Variants in SNX9 observed in about 807,000 individuals in gnomAD.
SNX9 encodes sorting nexin 9, also known as sorting nexin-9.
A neutral mutation model predicts 89.4 loss-of-function variants in SNX9; 44 were observed. The ratio of observed to expected loss-of-function variants is 0.49; its 90% confidence interval spans 0.39 to 0.63. The LOEUF (loss-of-function observed/expected upper bound fraction) is 0.63. SNX9 is among the 30% of genes least tolerant of loss of function. The pLI is 0.00. For missense variants in SNX9, 578 were observed against 736.1 expected (o/e 0.79, Z 2.49); for synonymous variants, 236 against 247.8 (o/e 0.95, Z 0.45).
At chr6:157,875,235 G>T (rs1488880290) in intron 4 of SNX9, 59 bp downstream of exon 4, 26 of 1,553,724 alleles carry the variant, frequency 1.7e-5, no homozygotes, top group Admixed American at 3.9e-5. Context: ...GAGCGTATTT[G>T]TGAAGGCTTG....
At chr6:157,824,483 T>C (rs1161128317) in intron 1 of SNX9, among the ~76,000 whole-genome samples, 1 of 152,254 alleles carries the variant, frequency 6.6e-6, no homozygotes, top group Non-Finnish European at 1.5e-5. Context: ...TTGAGATCTC[T>C]GAGCTACTTT....
chr6:157,853,639 G>A (rs988061655), intron 1 of SNX9, among the ~76,000 whole-genome samples: 13 of 152,098 alleles, frequency 8.5e-5, no homozygotes, highest in African/African-American at 2.2e-4. Flanking sequence ...CTTACTATCC[G>A]GTGAAGTAGC....
intron 14 of SNX9, among the ~76,000 whole-genome samples, chr6:157,936,633 A>C (rs1334150032): frequency 6.6e-6 from 1 of 152,228 alleles, no homozygotes; most frequent in Non-Finnish European, 1.5e-5. Context: ...ACCATTGCTT[A>C]GCCTCTCTGA....
chr6:157,900,774 C>A (rs2115168777), intron 5 of SNX9, among the ~76,000 whole-genome samples: 2 of 152,304 alleles, frequency 1.3e-5, no homozygotes, highest in African/African-American at 4.8e-5. Flanking sequence ...AAAACAGAAA[C>A]ACAGTCTTTC....
chr6:157,894,368 C>T (rs563611991), intron 4 of SNX9, among the ~76,000 whole-genome samples: 117 of 149,218 alleles, frequency 7.8e-4, no homozygotes, highest in African/African-American at 2.7e-3. Flanking sequence ...CCTCGGCCTC[C>T]GAAAGTGGTA....
intron 1 of SNX9, among the ~76,000 whole-genome samples, chr6:157,842,959 T>G (rs1781731576): frequency 6.6e-6 from 1 of 152,204 alleles, no homozygotes. Context: ...CAATTTTGTT[T>G]CAGAGTCAAA....
At chr6:157,905,396 A>G (rs1783189819) in intron 6 of SNX9, among the ~76,000 whole-genome samples, 1 of 152,082 alleles carries the variant, frequency 6.6e-6, no homozygotes, top group African/African-American at 2.4e-5. Context: ...CTAAAACCCA[A>G]ATTAATCTTG....
At chr6:157,831,148 C>T (rs1781471255) in intron 1 of SNX9, among the ~76,000 whole-genome samples, 1 of 152,220 alleles carries the variant, frequency 6.6e-6, no homozygotes, top group Non-Finnish European at 1.5e-5. Context: ...TCTCAGAAGT[C>T]TGATTCAGCC....
chr6:157,937,356 C>T, intron 14 of SNX9, 78 bp from the exon 15 acceptor site: 2 of 983,300 alleles, frequency 2.0e-6, no homozygotes, highest in Non-Finnish European at 3.2e-6. Context: ...GATTTATAGT[C>T]TTTGGGTATA....
intron 1 of SNX9, among the ~76,000 whole-genome samples, chr6:157,859,456 G>C (rs1010763382): frequency 6.6e-6 from 1 of 152,070 alleles, no homozygotes; most frequent in Admixed American, 6.5e-5. Flanking sequence ...ATTCCATTTT[G>C]ACAGCATAGC....
chr6:157,844,625 ACTCTGTT>A (rs1781769559), intron 1 of SNX9, among the ~76,000 whole-genome samples: 2 of 124,050 alleles, frequency 1.6e-5, no homozygotes, highest in South Asian at 5.1e-4. Flanking sequence ...ACAGAGTCTC[ACTCTGTT>A]GCCCAGGCTG....
At chr6:157,928,566 G>A in intron 11 of SNX9, 33 bp from the exon 12 acceptor site, 1 of 1,552,422 alleles carries the variant, frequency 6.4e-7, no homozygotes, top group African/African-American at 1.4e-5. Context: ...TGTTTCTCCT[G>A]CTTATGTGAC....
At chr6:157,886,038 G>C (rs1311159034) in intron 4 of SNX9, among the ~76,000 whole-genome samples, 1 of 152,210 alleles carries the variant, frequency 6.6e-6, no homozygotes, top group Non-Finnish European at 1.5e-5. Flanking sequence ...GATGGAGACA[G>C]ACAGACGTCG....
chr6:157,852,730 C>T (rs73573836), intron 1 of SNX9, among the ~76,000 whole-genome samples: 3,911 of 152,148 alleles, frequency 0.026, 159 homozygotes, highest in African/African-American at 0.089. Flanking sequence ...ATGCAGACCA[C>T]CATGCCCGGC....
chr6:157,824,057 C>T lies in SNX9; in HGVS notation c.12+611C>T, dbSNP rs77406838. 2.5e-3 allele frequency among the ~76,000 whole-genome samples: 376 copies of T among 152,310 alleles called. 3 individuals are homozygous for T. The highest frequency in any genetic ancestry group is 8.7e-3 in the African/African-American group (362 of 41,568). On this transcript the variant is annotated intron_variant, in intron 1 of 17. Transcript: ENST00000392185. ...TACCTTTTCATTGTGAATGGCATTG[C>T]CGGCATGAATAAAATATCAAGAGGG...
intron 4 of SNX9, among the ~76,000 whole-genome samples, chr6:157,878,722 A>C (rs1467533649): frequency 1.3e-5 from 2 of 152,180 alleles, no homozygotes; most frequent in Non-Finnish European, 2.9e-5. Flanking sequence ...GCCCTTTCTG[A>C]GACTGACAGC....
At chr6:157,829,532 A>G (rs1160053422) in intron 1 of SNX9, 1 of 152,152 alleles carries the variant, frequency 6.6e-6, no homozygotes. Context: ...GTTTATATGT[A>G]TATCCTTACT....
At chr6:157,879,652 T>C (rs997690778) in intron 4 of SNX9, among the ~76,000 whole-genome samples, 1 of 152,256 alleles carries the variant, frequency 6.6e-6, no homozygotes, top group Non-Finnish European at 1.5e-5. Flanking sequence ...TTCACGTTAG[T>C]GGCTGAACCA....
At position 157,915,767 on chromosome 6, in the gene SNX9, G is replaced by A. The variant is rs140738771; in HGVS notation, c.949+5742G>A. Among the ~76,000 whole-genome samples, 9 of 143,502 alleles carry A rather than the reference G, an allele frequency of 6.3e-5. No individual in the cohort carries two copies. The South Asian group carries it at 6.8e-4, about 11-fold the overall frequency. The allele number at this position is 143,502 out of a possible 152,430, so 94.1% of individuals were successfully genotyped here. On this transcript the variant is annotated intron_variant, in intron 9 of 17. Coordinates refer to ENST00000392185, the MANE Select transcript of SNX9 (RefSeq NM_016224.5). ...TTGAATCCAGGAGGCGGAGGTTGCCGTGAGCCAAGATTGCACCACTGCACT... is the reference window on the plus strand; with the variant it reads ...TTGAATCCAGGAGGCGGAGGTTGCCATGAGCCAAGATTGCACCACTGCACT...
Sources: allele counts gnomAD v4.1 joint callset (sites outside exome capture counted in the v4.1 genomes callset), GRCh38; gene constraint gnomAD v4.1.1; transcripts MANE v1.5; gene names NCBI Gene and HGNC (gene_info 2026-07-23, HGNC 2026-07-21).